TMEM14C: variants seen among roughly 807,000 people sequenced by gnomAD.
TMEM14C encodes the protein chromosome 6 open reading frame 53.
In TMEM14C, 13 loss-of-function variants were observed where a neutral mutation model predicts 14.8. The observed-to-expected ratio is 0.88, with a 90% CI of 0.57 to 1.40. TMEM14C has a LOEUF of 1.40. Among genes scored for constraint, TMEM14C ranks in the 40% most tolerant of loss-of-function variants. The pLI, the probability that TMEM14C is intolerant of heterozygous loss-of-function variation, is 0.00. For synonymous variants in TMEM14C, 57 were observed against 51.3 expected, an observed-to-expected ratio of 1.11 and a Z score of -0.48; for missense variants, 142 against 138.8, an observed-to-expected ratio of 1.02 and a Z score of -0.12.
At chr6:10,727,336 C>T (rs1369260239) in intron 4 of TMEM14C, among the ~76,000 whole-genome samples, 2 of 151,974 alleles carry the variant, frequency 1.3e-5, no homozygotes, top group Non-Finnish European at 2.9e-5. Context: ...GTCTCCTTCC[C>T]CTTCATAAAC....
intron 4 of TMEM14C, among the ~76,000 whole-genome samples, chr6:10,726,879 G>A (rs1005860440): frequency 1.3e-5 from 2 of 152,024 alleles, no homozygotes; most frequent in South Asian, 2.1e-4. Context: ...TACAAACCCC[G>A]TGTGAGAATG....
At chr6:10,725,123 C>G (rs1017013376) in intron 3 of TMEM14C, 86 bp downstream of exon 3, 3 of 1,540,724 alleles carry the variant, frequency 1.9e-6, no homozygotes. Context: ...GAAGCAATCT[C>G]ATTTGAGTCA....
intron 5 of TMEM14C, chr6:10,728,957 C>G (rs1770951507): frequency 8.0e-6 from 8 of 1,002,284 alleles, no homozygotes; most frequent in Non-Finnish European, 1.1e-5. Context: ...TATTTGCTTT[C>G]CAGTCCATCC....
chr6:10,723,603 T>TTC (rs1770759815), intron 1 of TMEM14C, among the ~76,000 whole-genome samples: 1 of 149,888 alleles, frequency 6.7e-6, no homozygotes, highest in South Asian at 2.1e-4. Context: ...TCTTTTTTTT[T>TTC]TTTTTTTTGT....
intron 3 of TMEM14C, 131 bp downstream of exon 3, chr6:10,725,168 T>G: frequency 1.9e-6 from 2 of 1,078,254 alleles, no homozygotes; most frequent in Admixed American, 3.6e-5. Context: ...GAGTGCAGGC[T>G]TCCTTGTCAG....
At position 10,728,634 on chromosome 6, in the gene TMEM14C, C is replaced by T. The variant is rs1333104496; in HGVS notation, c.200-6C>T. The T allele has an allele frequency of 6.2e-7, 1 of 1,613,788 alleles. No homozygotes were observed. The highest frequency in any genetic ancestry group is 8.5e-7 in the Non-Finnish European group (1 of 1,179,916). On this transcript the variant is annotated splice_region_variant and splice_polypyrimidine_tract_variant and intron_variant, in intron 4 of 5. Transcript: ENST00000229563. ...TTTTAACACTTCTTTATATGTTTTT[C>T]ATCAGCTACATCTGGTACCTTGGCT...
intron 5 of TMEM14C, among the ~76,000 whole-genome samples, chr6:10,729,488 T>C (rs112425901): frequency 1.8e-3 from 271 of 152,218 alleles, no homozygotes; most frequent in Non-Finnish European, 3.1e-3. Flanking sequence ...TTAAAAAATT[T>C]AGTTGTGGCT....
intron 1 of TMEM14C, among the ~76,000 whole-genome samples, chr6:10,723,959 G>A (rs769834428): frequency 9.9e-5 from 15 of 152,142 alleles, no homozygotes; most frequent in Admixed American, 3.9e-4. Flanking sequence ...TTGGCTCACT[G>A]GACACAGGAT....
intron 5 of TMEM14C, among the ~76,000 whole-genome samples, chr6:10,730,046 C>T (rs968728335): frequency 4.0e-5 from 6 of 151,508 alleles, no homozygotes; most frequent in South Asian, 2.1e-4. Flanking sequence ...TGCAGTGAGC[C>T]GAAATTGTGC....
chr6:10,725,020 T>A lies in TMEM14C; in HGVS notation c.80T>A (p.Ile27Asn). ...YAALVASGGI[I>N]GYVKAGSVPS... ...GCACTGGTTGCTTCTGGTGGGATCATTGGCTATGTAAAAGCAGGTAGGGTT... is the reference window on the plus strand; with the variant it reads ...GCACTGGTTGCTTCTGGTGGGATCAATGGCTATGTAAAAGCAGGTAGGGTT... The change falls in exon 3 of 6, where the codon ATT (isoleucine) becomes AAT (asparagine). Residue 27 changes from isoleucine (I) to asparagine (N), a missense_variant. By Grantham distance (149) the Ile-to-Asn change is moderately radical. Transcript: ENST00000229563. The A allele has an allele frequency of 6.2e-7, 1 of 1,614,244 alleles. No individual in the cohort carries two copies. The highest frequency in any genetic ancestry group is 8.5e-7 in the Non-Finnish European group (1 of 1,180,046).
intron 4 of TMEM14C, 50 bp downstream of exon 4, chr6:10,726,058 C>G: frequency 1.2e-6 from 2 of 1,606,464 alleles, no homozygotes; most frequent in Non-Finnish European, 1.7e-6. Flanking sequence ...CCAGAATACT[C>G]TTTTCCAAAA....
intron 3 of TMEM14C, among the ~76,000 whole-genome samples, chr6:10,725,692 C>T (rs1399938000): frequency 6.6e-6 from 1 of 152,032 alleles, no homozygotes; most frequent in African/African-American, 2.4e-5. Flanking sequence ...AGTGCCCTGC[C>T]TATTAGAGGA....
intron 5 of TMEM14C, 111 bp from the exon 6 acceptor site, chr6:10,730,504 A>T: frequency 1.9e-6 from 2 of 1,040,256 alleles, no homozygotes; most frequent in Non-Finnish European, 2.8e-6. Context: ...CTCTTGCCTT[A>T]GTACCTCCTC....
intron 2 of TMEM14C, 96 bp from the exon 3 acceptor site, chr6:10,724,865 C>A: frequency 6.8e-7 from 1 of 1,459,922 alleles, no homozygotes; most frequent in Non-Finnish European, 9.6e-7. Context: ...AGTGATAGGA[C>A]CTGTGGGGAA....
intron 5 of TMEM14C, among the ~76,000 whole-genome samples, chr6:10,730,241 G>A (rs1770987945): frequency 6.6e-6 from 1 of 152,222 alleles, no homozygotes; most frequent in Admixed American, 6.5e-5. Context: ...GATGCTACCA[G>A]TATAATGTTT....
At chr6:10,730,226 G>GT (rs1328689257) in intron 5 of TMEM14C, among the ~76,000 whole-genome samples, 1 of 152,220 alleles carries the variant, frequency 6.6e-6, no homozygotes, top group Non-Finnish European at 1.5e-5. Flanking sequence ...TCTGATCATA[G>GT]TTGTGATGCT....
Position 10,730,956 on chromosome 6 carries a change from A to C in TMEM14C, c.*290A>C. ...AGGTAAATCTCAAGGGTAAAATGTT[A>C]GGTGTCAGCTTTCAGGGCTCTGAAA... is the stretch of plus-strand genomic sequence containing the variant. On this transcript the variant is annotated 3_prime_UTR_variant, in exon 6 of 6. Coordinates refer to ENST00000229563, the MANE Select transcript of TMEM14C (RefSeq NM_016462.4). 9.5e-7 allele frequency: 1 copy of C among 1,056,404 alleles called. No individual in the cohort carries two copies. The highest frequency in any genetic ancestry group is 4.2e-5 in the South Asian group (1 of 24,066). 65.4% of individuals were successfully genotyped at this position (1,056,404 alleles called of 1,614,324 possible). A position where few individuals can be genotyped will look rare whatever the true frequency, so the allele number is the denominator to read the frequency against.
chr6:10,730,263 C>G (rs548943978), intron 5 of TMEM14C, among the ~76,000 whole-genome samples: 1 of 152,226 alleles, frequency 6.6e-6, no homozygotes, highest in East Asian at 1.9e-4. Flanking sequence ...ATACCTGAAG[C>G]AAGGAAGTCA....
At chr6:10,730,487 CT>C (rs771395331) in intron 5 of TMEM14C, 127 bp from the exon 6 acceptor site, 1 of 811,606 alleles carries the variant, frequency 1.2e-6, no homozygotes, top group South Asian at 2.6e-5. Flanking sequence ...AAATTTACCC[CT>C]GACCACTCTT....
Sources: allele counts gnomAD v4.1 joint callset (sites outside exome capture counted in the v4.1 genomes callset), GRCh38; gene constraint gnomAD v4.1.1; transcripts MANE v1.5; gene names NCBI Gene and HGNC (gene_info 2026-07-23, HGNC 2026-07-21).